IL1RAP: variants seen among roughly 807,000 people sequenced by gnomAD.
IL1RAP encodes the protein interleukin 1 receptor accessory protein, also known as interleukin-1 receptor accessory protein.
A neutral mutation model predicts 60.7 loss-of-function variants in IL1RAP; 35 were observed. The ratio of observed to expected loss-of-function variants is 0.58; its 90% CI spans 0.44 to 0.76. The LOEUF is 0.76. IL1RAP is among the 30% of genes least tolerant of loss of function. The pLI is 0.00. For missense variants in IL1RAP, 572 were observed against 693.9 expected (o/e 0.82, Z 1.97); for synonymous variants, 268 against 250.9 (o/e 1.07, Z -0.64).
intron 9 of IL1RAP, among the ~76,000 whole-genome samples, chr3:190,632,504 A>G (rs188752048): frequency 5.9e-5 from 9 of 152,296 alleles, no homozygotes; most frequent in Non-Finnish European, 1.2e-4. Flanking sequence ...ATATATCTCA[A>G]ATAAAAGTCC....
intron 3 of IL1RAP, among the ~76,000 whole-genome samples, chr3:190,565,092 T>G (rs1029934142): frequency 1.3e-5 from 2 of 151,952 alleles, no homozygotes; most frequent in Admixed American, 1.3e-4. Flanking sequence ...AACTGAAATT[T>G]GTCTCTTTGA....
intron 3 of IL1RAP, among the ~76,000 whole-genome samples, chr3:190,573,878 G>C (rs1363183176): frequency 6.6e-6 from 1 of 151,988 alleles, no homozygotes; most frequent in African/African-American, 2.4e-5. Context: ...TTGAATCAAG[G>C]ATTATATTCA....
At chr3:190,536,914 T>G (rs1723516911) in intron 1 of IL1RAP, among the ~76,000 whole-genome samples, 3 of 151,964 alleles carry the variant, frequency 2.0e-5, no homozygotes, top group Admixed American at 1.3e-4. Context: ...TGTGAAAAAA[T>G]GAAAGAGTCT....
At chr3:190,601,699 C>T (rs551547532) in intron 3 of IL1RAP, among the ~76,000 whole-genome samples, 28 of 152,188 alleles carry the variant, frequency 1.8e-4, no homozygotes, top group Non-Finnish European at 4.0e-4. Context: ...ATTTATTTCA[C>T]TTGTATTTTT....
chr3:190,591,944 G>A (rs1728976489), intron 3 of IL1RAP, among the ~76,000 whole-genome samples: 1 of 152,106 alleles, frequency 6.6e-6, no homozygotes, highest in African/African-American at 2.4e-5. Context: ...GCATGAGGTT[G>A]CTCATTACAG....
chr3:190,621,541 A>G (rs1249961156), intron 6 of IL1RAP, among the ~76,000 whole-genome samples: 1 of 152,228 alleles, frequency 6.6e-6, no homozygotes, highest in African/African-American at 2.4e-5. Flanking sequence ...GAAGTTGGGA[A>G]TAAGCATACT....
intron 9 of IL1RAP, among the ~76,000 whole-genome samples, chr3:190,631,144 T>A (rs192683443): frequency 7.2e-5 from 11 of 152,340 alleles, no homozygotes; most frequent in Admixed American, 7.2e-4. Context: ...TGGATTATAG[T>A]GGCAGGATGT....
intron 1 of IL1RAP, among the ~76,000 whole-genome samples, chr3:190,519,499 G>T (rs902852271): frequency 6.6e-6 from 1 of 152,082 alleles, no homozygotes; most frequent in Admixed American, 6.6e-5. Flanking sequence ...GAACCTGCGT[G>T]TGCCTGAGTG....
chr3:190,554,524 A>G (rs1291267066), intron 1 of IL1RAP: 1 of 152,236 alleles, frequency 6.6e-6, no homozygotes, highest in Non-Finnish European at 1.5e-5. Context: ...AGCGGACCAC[A>G]GTATTCACTG....
intron 3 of IL1RAP, among the ~76,000 whole-genome samples, chr3:190,600,339 G>C (rs1366703143): frequency 6.6e-6 from 1 of 152,196 alleles, no homozygotes; most frequent in African/African-American, 2.4e-5. Context: ...GAAGAAAACT[G>C]TTCAGTGCTA....
chr3:190,617,575 G>A (rs1297779594), intron 5 of IL1RAP, among the ~76,000 whole-genome samples: 2 of 152,128 alleles, frequency 1.3e-5, no homozygotes, highest in Non-Finnish European at 2.9e-5. Flanking sequence ...TTCACTTACT[G>A]TTCACTCATT....
chr3:190,625,509 A>G (rs1237522019), intron 7 of IL1RAP, among the ~76,000 whole-genome samples: 1 of 152,186 alleles, frequency 6.6e-6, no homozygotes, highest in African/African-American at 2.4e-5. Flanking sequence ...TAACAAAATG[A>G]GATTTGACCT....
chr3:190,517,824 A>G (rs1721663932), intron 1 of IL1RAP: 1 of 152,214 alleles, frequency 6.6e-6, no homozygotes, highest in South Asian at 2.1e-4. Flanking sequence ...CAGCCTATAC[A>G]CAGCTTCATT....
chr3:190,655,773 G>T (rs1452255873), downstream of IL1RAP: 8 of 753,780 alleles, frequency 1.1e-5, no homozygotes, highest in South Asian at 1.5e-4. Context: ...TCAGCACTGA[G>T]ATTCTGTCAT....
At chr3:190,518,400 C>A (rs1721719801) in intron 1 of IL1RAP, 2 of 152,196 alleles carry the variant, frequency 1.3e-5, no homozygotes. Context: ...AAATTACGAT[C>A]ATCATAATTT....
intron 6 of IL1RAP, among the ~76,000 whole-genome samples, chr3:190,623,072 C>T (rs969835434): frequency 1.3e-5 from 2 of 152,146 alleles, no homozygotes; most frequent in East Asian, 3.9e-4. Flanking sequence ...ATAGATGCTC[C>T]TATTACCCCT....
intron 3 of IL1RAP, among the ~76,000 whole-genome samples, chr3:190,595,633 T>C (rs1005020459): frequency 3.3e-5 from 5 of 152,196 alleles, no homozygotes; most frequent in Non-Finnish European, 7.4e-5. Flanking sequence ...TAGATAGGAC[T>C]ACTAGCACAC....
At chr3:190,626,664 CTT>C (rs766018376) in intron 7 of IL1RAP, among the ~76,000 whole-genome samples, 6 of 99,984 alleles carry the variant, frequency 6.0e-5, no homozygotes, top group Admixed American at 1.2e-4. Flanking sequence ...TGTCAGAGAC[CTT>C]TTTTTTTTTT....
At chr3:190,532,033 C>T (rs190902929) in intron 1 of IL1RAP, among the ~76,000 whole-genome samples, 1 of 152,140 alleles carries the variant, frequency 6.6e-6, no homozygotes, top group Admixed American at 6.5e-5. Context: ...TAAAGTCAGC[C>T]AAACCTACCT....
Sources: gnomAD v4.1 joint callset for allele counts (sites outside exome capture counted in the v4.1 genomes callset) on GRCh38, gnomAD v4.1.1 for gene constraint, MANE v1.5 for transcripts, NCBI Gene and HGNC (gene_info 2026-07-23, HGNC 2026-07-21) for gene names.